CALN1: variants seen among roughly 807,000 people sequenced by gnomAD.
CALN1 encodes calcium-binding protein 8.
A neutral mutation model predicts 30.6 loss-of-function variants in CALN1; 17 were observed. The ratio of observed to expected loss-of-function variants is 0.56; its 90% confidence interval spans 0.38 to 0.83. The LOEUF (loss-of-function observed/expected upper bound fraction) is 0.83, where lower values mean the gene tolerates loss of function less well. Among genes scored for constraint, CALN1 ranks in the 40% least tolerant of loss-of-function variants. The pLI, the probability that CALN1 is intolerant of heterozygous loss-of-function variation, is 0.00. For missense variants in CALN1, 291 were observed against 354.9 expected, an observed-to-expected ratio of 0.82 and a Z score of 1.45; for synonymous variants, 156 against 131.4, an observed-to-expected ratio of 1.19 and a Z score of -1.28.
chr7:72,055,955 G>C (rs1803229278), intron 4 of CALN1, among the ~76,000 whole-genome samples: 1 of 152,196 alleles, frequency 6.6e-6, no homozygotes, highest in South Asian at 2.1e-4. Context: ...CAGCAGCTGA[G>C]GCTGCAGTGA....
chr7:71,857,430 G>T (rs1584384139), intron 5 of CALN1, among the ~76,000 whole-genome samples: 1 of 152,256 alleles, frequency 6.6e-6, no homozygotes, highest in Non-Finnish European at 1.5e-5. Context: ...TAAATGGAGG[G>T]GCTGGAAGTG....
intron 4 of CALN1, among the ~76,000 whole-genome samples, chr7:72,076,359 G>A (rs548933042): frequency 6.6e-6 from 1 of 151,630 alleles, no homozygotes; most frequent in African/African-American, 2.4e-5. Context: ...AGCACTTTGG[G>A]AGGCCGAGGC....
intron 5 of CALN1, among the ~76,000 whole-genome samples, chr7:71,953,049 TG>T (rs1223676869): frequency 6.6e-6 from 1 of 152,176 alleles, no homozygotes; most frequent in Non-Finnish European, 1.5e-5. Flanking sequence ...CTCAAACTCC[TG>T]GGCTCAAGCA....
chr7:71,806,388 C>A (rs1001548481), intron 6 of CALN1, among the ~76,000 whole-genome samples: 2 of 150,794 alleles, frequency 1.3e-5, no homozygotes, highest in African/African-American at 2.4e-5. Flanking sequence ...TTCACTGCAA[C>A]CTCCACCTCC....
At chr7:71,848,731 T>A (rs1279708107) in intron 5 of CALN1, among the ~76,000 whole-genome samples, 4 of 151,880 alleles carry the variant, frequency 2.6e-5, no homozygotes, top group South Asian at 2.1e-4. Context: ...AAAGAAAAAA[T>A]TTAATAATAT....
intron 5 of CALN1, among the ~76,000 whole-genome samples, chr7:71,960,703 G>T (rs1049842495): frequency 6.6e-6 from 1 of 152,144 alleles, no homozygotes; most frequent in African/African-American, 2.4e-5. Flanking sequence ...GGATTGAATG[G>T]CAGTTCTAAT....
chr7:72,042,565 A>G (rs1056965855), intron 4 of CALN1, among the ~76,000 whole-genome samples: 1 of 152,082 alleles, frequency 6.6e-6, no homozygotes, highest in Non-Finnish European at 1.5e-5. Context: ...CATGTACTCA[A>G]ATTCAAGACT....
At chr7:72,308,372 G>GGGGAGA (rs373934467) in intron 2 of CALN1, among the ~76,000 whole-genome samples, 52 of 92,652 alleles carry the variant, frequency 5.6e-4, no homozygotes, top group Non-Finnish European at 8.0e-4. Flanking sequence ...TGTGGGGGGG[G>GGGGAGA]GAGAGAGAGA....
chr7:72,426,015 C>T (rs545600058), intron 1 of CALN1, among the ~76,000 whole-genome samples: 13 of 152,354 alleles, frequency 8.5e-5, no homozygotes, highest in Admixed American at 6.5e-4. Flanking sequence ...TAAGCTGCTG[C>T]CTCTGATTGG....
At chr7:72,453,993 A>ATATATATATATAT in the CALN1 span, among the ~76,000 whole-genome samples, 7 of 148,216 alleles carry the variant, frequency 4.7e-5, no homozygotes, top group African/African-American at 1.7e-4. Context: ...ACAACCAAAA[A>ATATATATATATAT]ATATATATAT....
intron 2 of CALN1, chr7:72,337,249 G>A (rs1258900241): frequency 6.1e-6 from 6 of 985,072 alleles, no homozygotes; most frequent in Non-Finnish European, 6.0e-6. Flanking sequence ...TCGCTCTGCC[G>A]GCGCCCGCGT....
At chr7:72,201,737 T>TTAAAAAAAAA (rs1229060738) in intron 3 of CALN1, among the ~76,000 whole-genome samples, 1 of 117,882 alleles carries the variant, frequency 8.5e-6, no homozygotes. Flanking sequence ...TGAATCTGAT[T>TTAAAAAAAAA]AAAAAAAAAA....
intron 4 of CALN1, among the ~76,000 whole-genome samples, chr7:72,065,570 T>A (rs10263980): frequency 0.082 from 12,434 of 152,134 alleles, 1,680 homozygotes; most frequent in African/African-American, 0.28. Context: ...TTCATTACAG[T>A]ATGTATTCTG....
intron 5 of CALN1, among the ~76,000 whole-genome samples, chr7:71,957,862 C>T (rs1181787517): frequency 6.6e-6 from 1 of 151,770 alleles, no homozygotes; most frequent in Non-Finnish European, 1.5e-5. Flanking sequence ...GTCAGGAGTT[C>T]GAGACCAACC....
intron 6 of CALN1, among the ~76,000 whole-genome samples, chr7:71,796,352 T>C (rs2115977987): frequency 6.6e-6 from 1 of 151,486 alleles, no homozygotes; most frequent in East Asian, 1.9e-4. Context: ...AACTCTATGT[T>C]TCTTTCTTTT....
chr7:72,016,561 C>T (rs1322137855), intron 5 of CALN1, among the ~76,000 whole-genome samples: 3 of 151,662 alleles, frequency 2.0e-5, no homozygotes, highest in East Asian at 2.0e-4. Context: ...CTCAGCCTCC[C>T]GAGTAGCTGG....
intron 5 of CALN1, among the ~76,000 whole-genome samples, chr7:71,886,067 G>A (rs1792884107): frequency 6.6e-6 from 1 of 152,242 alleles, no homozygotes; most frequent in African/African-American, 2.4e-5. Context: ...ATAGCTGGCT[G>A]AAAAATTCAG....
chr7:72,161,512 A>G lies in CALN1; in HGVS notation c.245-55218T>C, dbSNP rs78886068. Among the ~76,000 whole-genome samples, 483 of 152,328 alleles carry G rather than the reference A, an allele frequency of 3.2e-3. 2 individuals are homozygous for G. The highest frequency in any genetic ancestry group is 0.011 in the African/African-American group (475 of 41,582). On this transcript the variant is annotated intron_variant, in intron 3 of 6. Coordinates refer to ENST00000395275, the MANE Select transcript of CALN1 (RefSeq NM_031468.4). ...AAAATTCTATTTGCTTAAGGCACTC[A>G]ATTTGTTTACTTACAGCTAAATATA...
intron 5 of CALN1, among the ~76,000 whole-genome samples, chr7:71,959,664 T>C (rs992029575): frequency 4.6e-5 from 7 of 151,668 alleles, no homozygotes; most frequent in Admixed American, 3.9e-4. Flanking sequence ...GTGTGGTGGA[T>C]ACTTTCAGCA....
Sources: allele counts gnomAD v4.1 joint callset (sites outside exome capture counted in the v4.1 genomes callset), GRCh38; gene constraint gnomAD v4.1.1; transcripts MANE v1.5; gene names NCBI Gene and HGNC (gene_info 2026-07-23, HGNC 2026-07-21).